SLC39A11: variants seen among roughly 807,000 people sequenced by gnomAD.
SLC39A11 encodes the protein solute carrier family 39 member 11.
Under a neutral mutation model 36.1 loss-of-function variants are expected in SLC39A11, and 33 were observed. That is an observed-to-expected ratio of 0.91 (90% CI 0.69 to 1.22). The LOEUF is 1.22. Among genes scored for constraint, SLC39A11 ranks in the 50% most tolerant of loss-of-function variants. SLC39A11 has a pLI of 0.00. For missense variants in SLC39A11, 432 were observed against 430.3 expected, an observed-to-expected ratio of 1.00 and a Z score of -0.03; for synonymous variants, 166 against 170.3, an observed-to-expected ratio of 0.97 and a Z score of 0.20.
chr17:72,706,605 C>T (rs1037991597), intron 7 of SLC39A11, among the ~76,000 whole-genome samples: 1 of 152,224 alleles, frequency 6.6e-6, no homozygotes, highest in Non-Finnish European at 1.5e-5. Context: ...GTGAATTCAG[C>T]TTGTTCACTC....
chr17:72,883,906 C>A (rs4598978), intron 5 of SLC39A11, among the ~76,000 whole-genome samples: 1 of 151,950 alleles, frequency 6.6e-6, no homozygotes, highest in Non-Finnish European at 1.5e-5. Context: ...TGTAATCCCA[C>A]CACTTTGGGA....
At chr17:72,699,380 T>C (rs1018411369) in intron 7 of SLC39A11, among the ~76,000 whole-genome samples, 3 of 152,134 alleles carry the variant, frequency 2.0e-5, no homozygotes, top group Non-Finnish European at 4.4e-5. Context: ...CTGTGGGCCA[T>C]GGGTTGGGCA....
Position 72,959,325 on chromosome 17 carries a change from G to GTATATATA in SLC39A11, c.307-11458_307-11451dup, listed in dbSNP as rs1186282631. ...CTGGTGTATGTATGTGTGTGTGTGTGTATATATATATATATATATATATAT... is the reference window on the plus strand; with the variant it reads ...CTGGTGTATGTATGTGTGTGTGTGTGTATATATATATATATATATATATATATATATAT... On this transcript the variant is annotated intron_variant, in intron 4 of 9. Transcript: ENST00000255559. 7.9e-4 allele frequency among the ~76,000 whole-genome samples: 52 copies of GTATATATA among 65,528 alleles called. 1 individual carries two copies. The highest frequency in any genetic ancestry group is 3.1e-3 in the South Asian group (5 of 1,628). 43.0% of individuals were successfully genotyped at this position (65,528 alleles called of 152,430 possible).
chr17:72,942,616 T>C (rs1328493974), intron 5 of SLC39A11, among the ~76,000 whole-genome samples: 1 of 152,144 alleles, frequency 6.6e-6, no homozygotes, highest in African/African-American at 2.4e-5. Context: ...CAGGAAGACA[T>C]GGAAAGTTAG....
intron 6 of SLC39A11, among the ~76,000 whole-genome samples, chr17:72,782,823 A>G (rs1440076680): frequency 6.6e-6 from 1 of 151,658 alleles, no homozygotes; most frequent in Non-Finnish European, 1.5e-5. Flanking sequence ...GAACATGGCA[A>G]AAACCCCTTC....
rs188657041 is a variant in SLC39A11, at chr17:72,836,542, C to T, written c.601+13092G>A. Among the ~76,000 whole-genome samples, 8 of 152,084 alleles carry T rather than the reference C, an allele frequency of 5.3e-5. No individual in the cohort carries two copies. The East Asian group carries it at 5.8e-4, about 11-fold the overall frequency. ...TTTTTGTAGAGATGGGGTTTCCCCA[C>T]GTTGCCCAGGCTGGTCTTGAACTCC... On this transcript the variant is annotated intron_variant, in intron 6 of 9. Coordinates refer to ENST00000255559, the MANE Select transcript of SLC39A11 (RefSeq NM_139177.4).
rs558427214 is a variant in SLC39A11 at position 72,761,358 on chromosome 17, G to A, written c.602-24639C>T. 6.8e-4 allele frequency among the ~76,000 whole-genome samples: 104 copies of A among 152,042 alleles called. 1 individual carries two copies. The South Asian group carries it at 0.02, about 29-fold the overall frequency. On this transcript the variant is annotated intron_variant, in intron 6 of 9. Transcript: ENST00000255559. ...TCGAACTCCTGACCTCAGGTGATCCGCCCCCCTCGGCCTCCCAAAGTGCTG... is the reference window on the plus strand; with the variant it reads ...TCGAACTCCTGACCTCAGGTGATCCACCCCCCTCGGCCTCCCAAAGTGCTG...
At chr17:72,863,322 T>C (rs1436830466) in intron 5 of SLC39A11, among the ~76,000 whole-genome samples, 1 of 152,034 alleles carries the variant, frequency 6.6e-6, no homozygotes, top group Non-Finnish European at 1.5e-5. Context: ...ATCTCCCCCA[T>C]TTACCAAGCC....
chr17:72,754,049 CAT>C (rs571906001), intron 6 of SLC39A11, among the ~76,000 whole-genome samples: 2,967 of 40,620 alleles, frequency 0.073, 35 homozygotes, highest in East Asian at 0.098. Context: ...TATATATACA[CAT>C]ACACACACAC....
intron 5 of SLC39A11, among the ~76,000 whole-genome samples, chr17:72,897,062 A>AAAC (rs1555620542): frequency 3.3e-5 from 5 of 150,532 alleles, no homozygotes; most frequent in Admixed American, 2.7e-4. Context: ...CAAAAAAAAA[A>AAAC]AAAAAAAAAC....
At chr17:73,046,252 T>C (rs1319092174) in intron 3 of SLC39A11, among the ~76,000 whole-genome samples, 1 of 152,194 alleles carries the variant, frequency 6.6e-6, no homozygotes, top group Non-Finnish European at 1.5e-5. Context: ...AAAAGAAAGA[T>C]GCTCCTCCTT....
At chr17:72,921,165 A>G (rs913436933) in intron 5 of SLC39A11, among the ~76,000 whole-genome samples, 1 of 152,232 alleles carries the variant, frequency 6.6e-6, no homozygotes, top group Non-Finnish European at 1.5e-5. Context: ...TGAAAAAGTA[A>G]GAACACAAGC....
At chr17:72,919,209 T>C (rs1029859026) in intron 5 of SLC39A11, among the ~76,000 whole-genome samples, 1 of 152,072 alleles carries the variant, frequency 6.6e-6, no homozygotes, top group Admixed American at 6.6e-5. Flanking sequence ...TCTTGAAAAG[T>C]TGGGGCATAG....
At chr17:72,976,169 CAAAAAAAA>C (rs71154939) in intron 4 of SLC39A11, among the ~76,000 whole-genome samples, 1 of 68,376 alleles carries the variant, frequency 1.5e-5, no homozygotes, top group Non-Finnish European at 2.6e-5. Context: ...GACTCCATCT[CAAAAAAAA>C]AAAAAAAAAA....
intron 4 of SLC39A11, among the ~76,000 whole-genome samples, chr17:72,991,178 T>C (rs1481778689): frequency 6.6e-6 from 1 of 152,194 alleles, no homozygotes; most frequent in Non-Finnish European, 1.5e-5. Flanking sequence ...AGGTACTCAA[T>C]ATCTGAAAAA....
chr17:72,665,094 G>C (rs1006868327), intron 7 of SLC39A11, among the ~76,000 whole-genome samples: 1 of 152,164 alleles, frequency 6.6e-6, no homozygotes, highest in Non-Finnish European at 1.5e-5. Context: ...TGGACTACTA[G>C]CTCTGGGGGA....
intron 6 of SLC39A11, among the ~76,000 whole-genome samples, chr17:72,783,933 C>A: frequency 6.6e-6 from 1 of 152,158 alleles, no homozygotes; most frequent in East Asian, 1.9e-4. Flanking sequence ...CAGGGCATGG[C>A]TGTCCCATGG....
intron 5 of SLC39A11, among the ~76,000 whole-genome samples, chr17:72,888,946 GT>G (rs1390556002): frequency 6.6e-6 from 1 of 152,084 alleles, no homozygotes; most frequent in Non-Finnish European, 1.5e-5. Context: ...GTAGACAGGA[GT>G]AACTAGATAC....
At chr17:72,687,778 G>T (rs2071828028) in intron 7 of SLC39A11, among the ~76,000 whole-genome samples, 1 of 152,206 alleles carries the variant, frequency 6.6e-6, no homozygotes, top group Non-Finnish European at 1.5e-5. Flanking sequence ...ACAAGCATAT[G>T]CCAAGACCCG....
Sources: allele counts gnomAD v4.1 joint callset (sites outside exome capture counted in the v4.1 genomes callset), GRCh38; gene constraint gnomAD v4.1.1; transcripts MANE v1.5; gene names NCBI Gene and HGNC (gene_info 2026-07-23, HGNC 2026-07-21).